The following MAGI1 variants were observed in gnomAD, a reference collection of about 807,000 sequenced individuals.
MAGI1 encodes membrane associated guanylate kinase, WW and PDZ domain containing 1.
Under a neutral mutation model 139.9 loss-of-function variants are expected in MAGI1, and 58 were observed. The observed-to-expected ratio is 0.41, with a 90% CI of 0.34 to 0.52. MAGI1 has a LOEUF of 0.52. MAGI1 is among the 20% of genes least tolerant of loss of function. The pLI, the probability that MAGI1 is intolerant of heterozygous loss-of-function variation, is 0.12. For missense variants in MAGI1, 1,874 were observed against 1,901.6 expected (o/e 0.99, Z 0.27); for synonymous variants, 812 against 737.9 (o/e 1.10, Z -1.63).
chr3:65,993,249 T>C (rs895527568), intron 1 of MAGI1, among the ~76,000 whole-genome samples: 19 of 152,194 alleles, frequency 1.2e-4, no homozygotes, highest in Admixed American at 1.2e-3. Context: ...TTTCTTTTTT[T>C]TGCTTTACAT....
intron 1 of MAGI1, among the ~76,000 whole-genome samples, chr3:65,729,731 G>C (rs1220227952): frequency 1.3e-5 from 2 of 152,112 alleles, no homozygotes; most frequent in Admixed American, 6.5e-5. Context: ...AGCTGTTCTG[G>C]GAATCCAGCC....
chr3:65,973,889 T>C (rs901361810), intron 1 of MAGI1, among the ~76,000 whole-genome samples: 5 of 152,174 alleles, frequency 3.3e-5, no homozygotes, highest in African/African-American at 1.2e-4. Context: ...GAAAAAAATG[T>C]AAACAGTGAA....
At chr3:65,362,569 T>C (rs1940980288) in intron 21 of MAGI1, among the ~76,000 whole-genome samples, 1 of 152,226 alleles carries the variant, frequency 6.6e-6, no homozygotes, top group Non-Finnish European at 1.5e-5. Context: ...ACACATTCAA[T>C]GCTCTACCTT....
Position 65,478,697 on chromosome 3 carries a change from T to TCGA in MAGI1, c.649_651dup (p.Ser217dup). The TCGA allele has an allele frequency of 6.2e-7, 1 of 1,613,992 alleles. No individual in the cohort carries two copies. The highest frequency in any genetic ancestry group is 8.5e-7 in the Non-Finnish European group (1 of 1,179,974). On this transcript the variant is annotated inframe_insertion, in exon 4 of 23. Coordinates refer to ENST00000402939, the MANE Select transcript of MAGI1 (RefSeq NM_001033057.2). Reference sequence around the variant, plus strand: ...TTGTAGGACTTGGTTCGCTTCGGGGTCGACTGCTTAGAGCCAGACTGAAGG... The same window carrying TCGA: ...TTGTAGGACTTGGTTCGCTTCGGGGTCGACGACTGCTTAGAGCCAGACTGAAGG...
chr3:65,783,408 A>C (rs1054052026), intron 1 of MAGI1, among the ~76,000 whole-genome samples: 6 of 152,100 alleles, frequency 3.9e-5, no homozygotes, highest in Non-Finnish European at 8.8e-5. Context: ...GAACACTTTG[A>C]GAGGGCAGGT....
intron 16 of MAGI1, among the ~76,000 whole-genome samples, chr3:65,380,226 C>T (rs1942933641): frequency 6.6e-6 from 1 of 152,206 alleles, no homozygotes; most frequent in South Asian, 2.1e-4. Flanking sequence ...TAAAGCACTC[C>T]TAAATAGCCA....
chr3:65,360,485 G>C (rs541677529), intron 22 of MAGI1: 1 of 984,608 alleles, frequency 1.0e-6, no homozygotes, highest in South Asian at 4.7e-5. Context: ...CAAGTCTAAA[G>C]ATATGACAAA....
chr3:65,573,719 C>G (rs1318240430), intron 2 of MAGI1, among the ~76,000 whole-genome samples: 14 of 152,046 alleles, frequency 9.2e-5, no homozygotes. Flanking sequence ...TAACACTTTA[C>G]TAGAGGCTAT....
chr3:65,915,881 C>A (rs1425227921), intron 1 of MAGI1, among the ~76,000 whole-genome samples: 1 of 151,608 alleles, frequency 6.6e-6, no homozygotes, highest in Admixed American at 6.6e-5. Flanking sequence ...GTGAATCAAG[C>A]TTTGATTTAT....
intron 1 of MAGI1, among the ~76,000 whole-genome samples, chr3:65,910,042 C>A (rs1217661595): frequency 6.6e-6 from 1 of 152,206 alleles, no homozygotes; most frequent in Admixed American, 6.5e-5. Context: ...AGGCGGAACT[C>A]AGGCAGTAAT....
At chr3:66,015,554 A>T (rs2107526205) in intron 1 of MAGI1, among the ~76,000 whole-genome samples, 1 of 152,352 alleles carries the variant, frequency 6.6e-6, no homozygotes, top group South Asian at 2.1e-4. Flanking sequence ...TTGAGAAGTA[A>T]ATGAGTTGAT....
intron 3 of MAGI1, among the ~76,000 whole-genome samples, chr3:65,486,054 C>T (rs1407913621): frequency 6.6e-6 from 1 of 152,118 alleles, no homozygotes; most frequent in East Asian, 1.9e-4. Context: ...CTAAGGCCTG[C>T]CAAAGAACAG....
intron 1 of MAGI1, among the ~76,000 whole-genome samples, chr3:65,854,105 C>G (rs957360770): frequency 1.3e-5 from 2 of 149,646 alleles, no homozygotes; most frequent in African/African-American, 4.9e-5. Context: ...GAGACTCTGT[C>G]TCAAAAAAAA....
At chr3:65,700,540 A>G (rs1162932952) in intron 1 of MAGI1, among the ~76,000 whole-genome samples, 4 of 152,192 alleles carry the variant, frequency 2.6e-5, no homozygotes, top group African/African-American at 9.7e-5. Context: ...GTAATCATAC[A>G]TGAATTGATC....
intron 1 of MAGI1, among the ~76,000 whole-genome samples, chr3:65,871,239 A>G (rs1175368927): frequency 6.6e-6 from 1 of 152,174 alleles, no homozygotes; most frequent in Non-Finnish European, 1.5e-5. Flanking sequence ...GCCCAGCCTA[A>G]TAGTTATATT....
chr3:65,903,031 C>A (rs2061299010), intron 1 of MAGI1, among the ~76,000 whole-genome samples: 1 of 152,002 alleles, frequency 6.6e-6, no homozygotes, highest in South Asian at 2.1e-4. Context: ...CTCTGTCACC[C>A]AAGTTAGAGT....
chr3:65,466,187 G>T (rs1208795260), intron 5 of MAGI1, among the ~76,000 whole-genome samples: 3 of 152,076 alleles, frequency 2.0e-5, no homozygotes, highest in Non-Finnish European at 4.4e-5. Context: ...TTTTATGATG[G>T]CTGCGTTAAA....
chr3:65,657,563 G>T (rs1456389368), intron 1 of MAGI1, among the ~76,000 whole-genome samples: 2 of 152,166 alleles, frequency 1.3e-5, no homozygotes, highest in African/African-American at 2.4e-5. Flanking sequence ...GGAGCCAGTT[G>T]TACTTATTGC....
chr3:65,776,985 T>A (rs1486822035), intron 1 of MAGI1, among the ~76,000 whole-genome samples: 1 of 152,140 alleles, frequency 6.6e-6, no homozygotes, highest in Non-Finnish European at 1.5e-5. Flanking sequence ...TGCTTTCATC[T>A]TTCATCTCCC....
Sources: allele counts gnomAD v4.1 joint callset (sites outside exome capture counted in the v4.1 genomes callset), GRCh38; gene constraint gnomAD v4.1.1; transcripts MANE v1.5; gene names NCBI Gene and HGNC (gene_info 2026-07-23, HGNC 2026-07-21).